Variants in HIP1 observed in about 807,000 individuals in gnomAD.
HIP1 encodes huntingtin-interacting protein 1.
HIP1 carries 65 observed loss-of-function variants against 147.6 expected under a neutral mutation model. The observed-to-expected ratio is 0.44, with a 90% confidence interval of 0.36 to 0.54. The LOEUF is 0.54. Among genes scored for constraint, HIP1 ranks in the 20% least tolerant of loss-of-function variants. HIP1 has a pLI of 0.00. For synonymous variants in HIP1, 479 were observed against 504.0 expected (o/e 0.95, Z 0.67); for missense variants, 1,061 against 1,299.6 (o/e 0.82, Z 2.82).
In HIP1 at chr7:75,548,903, C is replaced by T. The variant is rs375108590; in HGVS notation, c.2394G>A (p.Thr798=). ...AGGAACCTCCTACCTCTATTCTGGC[C>T]GTGGCAGTTTCAATAGCAGCTGAAG... ...AATSAAIETA[T]ARIEEMLSKS... is the part of the protein sequence containing the mutation. The change falls in exon 23 of 31, where the codon ACG becomes ACA. Residue 798 remains threonine, a synonymous_variant. Transcript: ENST00000336926. 112 of 1,612,884 alleles carry T rather than the reference C, an allele frequency of 6.9e-5. No individual in the cohort carries two copies. Among genetic ancestry groups the T allele is most frequent in the Non-Finnish European group, 5.1e-5 (60 of 1,178,876 alleles).
intron 1 of HIP1, among the ~76,000 whole-genome samples, chr7:75,690,312 A>G (rs1554518008): frequency 6.6e-6 from 1 of 152,112 alleles, no homozygotes; most frequent in East Asian, 1.9e-4. Flanking sequence ...AAGGACTTGA[A>G]TAGTCATTTC....
intron 1 of HIP1, among the ~76,000 whole-genome samples, chr7:75,628,922 C>T (rs1482349828): frequency 1.3e-5 from 2 of 152,174 alleles, no homozygotes; most frequent in Non-Finnish European, 1.5e-5. Flanking sequence ...AGACAATAGC[C>T]AGGACCCTGG....
intron 1 of HIP1, among the ~76,000 whole-genome samples, chr7:75,732,477 C>T (rs1340777144): frequency 6.6e-6 from 1 of 152,074 alleles, no homozygotes; most frequent in Non-Finnish European, 1.5e-5. Flanking sequence ...CTTAAACAAT[C>T]GTCCTGTCTC....
rs113745210 is a variant in HIP1 at position 75,610,026 on chromosome 7, C to T, written c.121-10779G>A. On this transcript the variant is annotated intron_variant, in intron 1 of 30. Transcript: ENST00000336926. ...CAAGTGATTCTCCTGCCTCAGCCTC[C>T]GGAGTAGCTGGGATTATAGGCCCAC... 6.7e-3 allele frequency among the ~76,000 whole-genome samples: 1,009 copies of T among 151,680 alleles called. 4 individuals carry two copies. The highest frequency in any genetic ancestry group is 0.011 in the Non-Finnish European group (740 of 67,932).
intron 1 of HIP1, among the ~76,000 whole-genome samples, chr7:75,618,368 C>T (rs1584887516): frequency 6.6e-6 from 1 of 152,274 alleles, no homozygotes; most frequent in South Asian, 2.1e-4. Flanking sequence ...TCAAGCTGGT[C>T]TCAAACTCCT....
At chr7:75,569,647 G>A (rs1281990149) in intron 8 of HIP1, among the ~76,000 whole-genome samples, 3 of 152,042 alleles carry the variant, frequency 2.0e-5, no homozygotes, top group Admixed American at 6.6e-5. Flanking sequence ...AATGGCAGAA[G>A]TGGACAGTGA....
In HIP1 at chr7:75,553,474, G is replaced by C. The variant is rs371107148; in HGVS notation, c.2274C>G (p.Ser758Arg). 8.7e-6 allele frequency: 14 copies of C among 1,613,968 alleles called. No individual in the cohort carries two copies. The highest frequency in any genetic ancestry group is 1.2e-5 in the Non-Finnish European group (14 of 1,180,022). The change falls in exon 22 of 31, where the codon AGC becomes AGG. Residue 758 changes from serine (S) to arginine (R), a missense_variant. By Grantham distance (110) the Ser-to-Arg change is moderately radical (BLOSUM62 -1). Around this residue, in one of 3 missense-constraint regions of HIP1, gnomAD observed 810 missense variants for 946.8 expected, o/e 0.86. Transcript: ENST00000336926. ...ADSTAMRNCL[S>R]KIKAIGEELL... ...GTACCTCGCCGATGGCCTTGATCTT[G>C]CTCAGGCAGTTCCTCATGGCTGTGC... is the stretch of plus-strand genomic sequence containing the variant.
intron 1 of HIP1, among the ~76,000 whole-genome samples, chr7:75,644,719 C>T (rs1445852132): frequency 1.3e-5 from 2 of 152,176 alleles, no homozygotes; most frequent in African/African-American, 4.8e-5. Context: ...GAGCTAGAGT[C>T]ACTGACCATG....
chr7:75,698,742 C>T (rs1433092021), intron 1 of HIP1, among the ~76,000 whole-genome samples: 1 of 151,788 alleles, frequency 6.6e-6, no homozygotes, highest in African/African-American at 2.4e-5. Context: ...AATACTTAAG[C>T]CCAGGAGTTC....
intron 1 of HIP1, among the ~76,000 whole-genome samples, chr7:75,629,056 A>G (rs1407895744): frequency 6.6e-6 from 1 of 152,152 alleles, no homozygotes; most frequent in East Asian, 1.9e-4. Flanking sequence ...CCAGCAAGAA[A>G]AAGTTATTTT....
At chr7:75,621,582 A>G (rs919615999) in intron 1 of HIP1, among the ~76,000 whole-genome samples, 18 of 152,162 alleles carry the variant, frequency 1.2e-4, no homozygotes, top group African/African-American at 4.3e-4. Flanking sequence ...GCAAAGCGGT[A>G]AAACGATCTG....
intron 1 of HIP1, among the ~76,000 whole-genome samples, chr7:75,619,338 C>T (rs781878973): frequency 6.6e-6 from 1 of 152,000 alleles, no homozygotes; most frequent in Non-Finnish European, 1.5e-5. Context: ...GCCTGGCCAA[C>T]ATGGTGAAAC....
chr7:75,686,743 C>A (rs1238535510), intron 1 of HIP1, among the ~76,000 whole-genome samples: 1 of 151,960 alleles, frequency 6.6e-6, no homozygotes, highest in Non-Finnish European at 1.5e-5. Flanking sequence ...CTCACTGCAG[C>A]CTTGACCTCC....
intron 1 of HIP1, among the ~76,000 whole-genome samples, chr7:75,668,870 T>G (rs993344518): frequency 4.6e-5 from 7 of 152,222 alleles, no homozygotes; most frequent in Non-Finnish European, 1.0e-4. Flanking sequence ...TTTTAATGTA[T>G]TTTCAAGGTT....
At chr7:75,649,249 C>A (rs1554511580) in intron 1 of HIP1, among the ~76,000 whole-genome samples, 1 of 152,198 alleles carries the variant, frequency 6.6e-6, no homozygotes. Flanking sequence ...GTCTCAAACT[C>A]CCGACCTCAG....
At chr7:75,614,843 G>A (rs587758828) in intron 1 of HIP1, among the ~76,000 whole-genome samples, 172 of 151,958 alleles carry the variant, frequency 1.1e-3, no homozygotes, top group African/African-American at 3.8e-3. Flanking sequence ...GCGCGATCTC[G>A]GCGCATTGCA....
At chr7:75,544,213 G>T (rs1360398687) in intron 27 of HIP1, among the ~76,000 whole-genome samples, 1 of 151,190 alleles carries the variant, frequency 6.6e-6, no homozygotes, top group African/African-American at 2.4e-5. Flanking sequence ...GGATAGTATG[G>T]GACCCTTAAC....
intron 7 of HIP1, among the ~76,000 whole-genome samples, chr7:75,577,716 C>T (rs148849329): frequency 6.6e-6 from 1 of 152,116 alleles, no homozygotes; most frequent in Non-Finnish European, 1.5e-5. Context: ...AAAACCAGAG[C>T]AGGCTGGGCA....
chr7:75,690,529 T>C (rs1303720847), intron 1 of HIP1, among the ~76,000 whole-genome samples: 1 of 152,094 alleles, frequency 6.6e-6, no homozygotes, highest in Non-Finnish European at 1.5e-5. Flanking sequence ...AAATGTGCAA[T>C]GGTGTGACCA....
Sources: gnomAD v4.1 joint callset for allele counts (sites outside exome capture counted in the v4.1 genomes callset) on GRCh38, gnomAD v4.1.1 for gene constraint, gnomAD v4.1.1 regional missense constraint, MANE v1.5 for transcripts, NCBI Gene and HGNC (gene_info 2026-07-23, HGNC 2026-07-21) for gene names.